The following DLG2 variants were observed in gnomAD, a reference collection of about 807,000 sequenced individuals.
DLG2 encodes disks large homolog 2.
DLG2 carries 45 observed loss-of-function variants against 132.5 expected under a neutral mutation model. The ratio of observed to expected loss-of-function variants is 0.34; its 90% CI spans 0.27 to 0.44. The LOEUF (loss-of-function observed/expected upper bound fraction) is 0.44, where lower values mean the gene tolerates loss of function less well. Among genes scored for constraint, DLG2 ranks in the 20% least tolerant of loss-of-function variants. DLG2 has a pLI of 1.00. For missense variants in DLG2, 1,045 were observed against 1,196.9 expected (o/e 0.87, Z 1.87); for synonymous variants, 424 against 419.6 (o/e 1.01, Z -0.13).
Position 85,072,020 on chromosome 11 carries a change from C to T in DLG2, c.357+39641G>A, listed in dbSNP as rs182796100. 6.7e-4 allele frequency among the ~76,000 whole-genome samples: 101 copies of T among 151,850 alleles called. 1 individual carries two copies. The highest frequency in any genetic ancestry group is 2.4e-3 in the African/African-American group (100 of 41,482). On this transcript the variant is annotated intron_variant, in intron 6 of 27. Transcript: ENST00000376104. ...TGAGAACGCATTTAATCTTAGCATC[C>T]CTATGTCACTCAAAGGTAAAAATGT...
chr11:84,969,934 G>T (rs61909085), intron 6 of DLG2, among the ~76,000 whole-genome samples: 1 of 152,190 alleles, frequency 6.6e-6, no homozygotes, highest in East Asian at 1.9e-4. Context: ...ACCAAACACC[G>T]CATGTTTTCA....
intron 3 of DLG2, among the ~76,000 whole-genome samples, chr11:85,530,766 G>A (rs1202452264): frequency 6.6e-6 from 1 of 152,150 alleles, no homozygotes; most frequent in Non-Finnish European, 1.5e-5. Flanking sequence ...ACTTCCTTTT[G>A]GGGCCTCAAC....
At chr11:83,722,207 GTCAA>G (rs2153686249) in intron 18 of DLG2, among the ~76,000 whole-genome samples, 1 of 152,120 alleles carries the variant, frequency 6.6e-6, no homozygotes, top group Admixed American at 6.5e-5. Flanking sequence ...AAGTTTATGG[GTCAA>G]TCATAGTTTT....
chr11:83,913,332 G>A (rs939417881), intron 15 of DLG2, among the ~76,000 whole-genome samples: 2 of 151,934 alleles, frequency 1.3e-5, no homozygotes, highest in African/African-American at 2.4e-5. Flanking sequence ...GGGCTCTTAT[G>A]GGAGTAAATA....
At chr11:84,137,056 G>A (rs1289611163) in intron 9 of DLG2, among the ~76,000 whole-genome samples, 1 of 152,124 alleles carries the variant, frequency 6.6e-6, no homozygotes, top group Non-Finnish European at 1.5e-5. Context: ...GCAGGAAAGG[G>A]GGAGCTTTTG....
intron 2 of DLG2, among the ~76,000 whole-genome samples, chr11:85,605,280 A>G (rs1209394966): frequency 6.6e-6 from 1 of 152,182 alleles, no homozygotes; most frequent in Non-Finnish European, 1.5e-5. Flanking sequence ...GATTCCAAGT[A>G]TAGTGTTCTC....
At chr11:85,052,966 G>A (rs903494225) in intron 6 of DLG2, among the ~76,000 whole-genome samples, 4 of 152,046 alleles carry the variant, frequency 2.6e-5, no homozygotes, top group Non-Finnish European at 2.9e-5. Flanking sequence ...TACTCTATAC[G>A]CTACTTGCCC....
chr11:84,948,836 T>C (rs1044855189), intron 6 of DLG2, among the ~76,000 whole-genome samples: 1 of 152,182 alleles, frequency 6.6e-6, no homozygotes, highest in African/African-American at 2.4e-5. Flanking sequence ...AATGTTTCCA[T>C]GTGTAAAATA....
intron 3 of DLG2, among the ~76,000 whole-genome samples, chr11:85,408,173 A>G (rs1185826030): frequency 2.0e-5 from 3 of 149,214 alleles, no homozygotes; most frequent in Non-Finnish European, 4.5e-5. Context: ...AATATATAAT[A>G]TCTAATATTT....
chr11:85,212,624 C>T (rs770870034), intron 4 of DLG2, among the ~76,000 whole-genome samples: 5 of 152,148 alleles, frequency 3.3e-5, no homozygotes, highest in Non-Finnish European at 5.9e-5. Flanking sequence ...GTAACAAAAA[C>T]TAATGCTCAG....
chr11:84,401,094 G>C (rs1307851059), intron 7 of DLG2, among the ~76,000 whole-genome samples: 1 of 152,128 alleles, frequency 6.6e-6, no homozygotes, highest in Middle Eastern at 3.4e-3. Context: ...TCATTTTATG[G>C]TTGAGAAAAC....
At chr11:84,142,307 G>A (rs1026820756) in intron 9 of DLG2, among the ~76,000 whole-genome samples, 5 of 113,270 alleles carry the variant, frequency 4.4e-5, no homozygotes, top group African/African-American at 1.4e-4. Context: ...GAGACAGAGT[G>A]AGAATCCATC....
At chr11:84,224,007 C>A (rs1405961226) in intron 8 of DLG2, among the ~76,000 whole-genome samples, 3 of 152,132 alleles carry the variant, frequency 2.0e-5, no homozygotes, top group Non-Finnish European at 4.4e-5. Flanking sequence ...GGGTTTAGGC[C>A]TCCAGGTTTA....
At chr11:83,635,492 T>C (rs2064551040) in intron 18 of DLG2, among the ~76,000 whole-genome samples, 1 of 151,992 alleles carries the variant, frequency 6.6e-6, no homozygotes, top group South Asian at 2.1e-4. Context: ...CTCTCGTCTC[T>C]TCTGCCTTCC....
intron 6 of DLG2, among the ~76,000 whole-genome samples, chr11:84,599,821 C>A (rs2099571487): frequency 6.6e-6 from 1 of 151,874 alleles, no homozygotes; most frequent in South Asian, 2.1e-4. Context: ...CGCTTGAGCC[C>A]AGGAGTTCAA....
At chr11:85,116,739 T>C (rs1214866809) in intron 5 of DLG2, among the ~76,000 whole-genome samples, 1 of 151,844 alleles carries the variant, frequency 6.6e-6, no homozygotes, top group African/African-American at 2.4e-5. Flanking sequence ...AAAAATGAGA[T>C]TCCAAAGGAG....
At chr11:83,703,117 T>A (rs1039055225) in intron 18 of DLG2, among the ~76,000 whole-genome samples, 3 of 152,220 alleles carry the variant, frequency 2.0e-5, no homozygotes, top group Non-Finnish European at 2.9e-5. Context: ...TAACCCAGCA[T>A]CTTTAACTGG....
At chr11:84,344,840 G>A (rs1267184054) in intron 7 of DLG2, among the ~76,000 whole-genome samples, 1 of 152,052 alleles carries the variant, frequency 6.6e-6, no homozygotes, top group Non-Finnish European at 1.5e-5. Flanking sequence ...CATTTTTACT[G>A]CATTTTGCAT....
chr11:85,237,760 G>A (rs557203660), intron 4 of DLG2, among the ~76,000 whole-genome samples: 3 of 152,114 alleles, frequency 2.0e-5, no homozygotes, highest in Non-Finnish European at 4.4e-5. Context: ...TTAAAAGGCA[G>A]ACCCTTACTG....
Sources: allele counts gnomAD v4.1 joint callset (sites outside exome capture counted in the v4.1 genomes callset), GRCh38; gene constraint gnomAD v4.1.1; transcripts MANE v1.5; gene names NCBI Gene and HGNC (gene_info 2026-07-23, HGNC 2026-07-21).